Variants in PHGR1 observed in about 807,000 individuals in gnomAD.
PHGR1 encodes proline, histidine and glycine rich 1, also known as proline, histidine and glycine-rich protein 1.
In PHGR1, 3 loss-of-function variants were observed where a neutral mutation model predicts 4.9. That is an observed-to-expected ratio of 0.61 (90% CI 0.28 to 1.58). The LOEUF (loss-of-function observed/expected upper bound fraction) is 1.58, where lower values mean the gene tolerates loss of function less well. Among genes scored for constraint, PHGR1 ranks in the 40% most tolerant of loss-of-function variants. PHGR1 has a pLI of 0.11. For missense variants in PHGR1, 81 were observed against 118.7 expected, an observed-to-expected ratio of 0.68 and a Z score of 1.48; for synonymous variants, 32 against 46.1, an observed-to-expected ratio of 0.69 and a Z score of 1.24.
At chr15:40,354,279 G>A (rs1172198563) in intron 2 of PHGR1, 66 bp from the exon 3 acceptor site, 2 of 1,512,606 alleles carry the variant, frequency 1.3e-6, no homozygotes, top group African/African-American at 2.8e-5. Context: ...GGAGAAGACA[G>A]GTTTTTTTTT....
chr15:40,352,777 C>T (rs1889222868), intron 1 of PHGR1, among the ~76,000 whole-genome samples: 1 of 152,230 alleles, frequency 6.6e-6, no homozygotes, highest in African/African-American at 2.4e-5. Flanking sequence ...CATGCCATGC[C>T]AGATGTTTAC....
At chr15:40,352,501 C>G (rs1404461341) in intron 1 of PHGR1, among the ~76,000 whole-genome samples, 1 of 152,188 alleles carries the variant, frequency 6.6e-6, no homozygotes, top group Non-Finnish European at 1.5e-5. Flanking sequence ...ACCACGTTAC[C>G]TCAGCAGCTC....
At chr15:40,355,859 A>C (rs903210431) in intron 3 of PHGR1, among the ~76,000 whole-genome samples, 3 of 152,138 alleles carry the variant, frequency 2.0e-5, no homozygotes, top group African/African-American at 7.2e-5. Context: ...GAAACCAATA[A>C]ATCTAGGTTG....
rs550113363 is a variant in PHGR1 at position 40,353,558 on chromosome 15, G to A, written c.10+291G>A. On this transcript the variant is annotated intron_variant, in intron 2 of 3. Transcript: ENST00000448599. ...CAGGGGAGCTAGGGGTTATGCTCAGGGAAAGGCCATAGAGGTGCAGCTGGG... is the reference window on the plus strand; with the variant it reads ...CAGGGGAGCTAGGGGTTATGCTCAGAGAAAGGCCATAGAGGTGCAGCTGGG... The A allele has an allele frequency of 1.0e-4, 43 of 412,998 alleles. 1 individual carries two copies. The South Asian group carries it at 1.3e-3, about 13-fold the overall frequency. 25.6% of individuals were successfully genotyped at this position (412,998 alleles called of 1,614,324 possible). A position where few individuals can be genotyped will look rare whatever the true frequency, so the allele number is the denominator to read the frequency against.
intron 1 of PHGR1, among the ~76,000 whole-genome samples, chr15:40,351,859 C>A (rs1484450117): frequency 2.0e-5 from 3 of 152,262 alleles, no homozygotes; most frequent in South Asian, 2.1e-4. Flanking sequence ...GTCTCAGCCT[C>A]CCAAGTAGCT....
At chr15:40,355,086 A>G (rs1287017437) in intron 3 of PHGR1, among the ~76,000 whole-genome samples, 3 of 151,982 alleles carry the variant, frequency 2.0e-5, no homozygotes, top group Non-Finnish European at 2.9e-5. Flanking sequence ...CCTGCTCCAC[A>G]GGGCCCCAGA....
intron 1 of PHGR1, among the ~76,000 whole-genome samples, chr15:40,353,006 C>T (rs1290602238): frequency 1.3e-5 from 2 of 152,028 alleles, no homozygotes; most frequent in African/African-American, 4.8e-5. Context: ...TAGGTGAACC[C>T]GCTGTGTCCA....
At chr15:40,353,304 AGG>A in intron 2 of PHGR1, 37 bp downstream of exon 2, 1 of 1,551,486 alleles carries the variant, frequency 6.4e-7, no homozygotes, top group Non-Finnish European at 8.7e-7. Context: ...AATTGGAAGA[AGG>A]GAGAGAGCAG....
chr15:40,353,545 G>A lies in PHGR1; in HGVS notation c.10+278G>A, dbSNP rs190113545. 1.0e-4 allele frequency: 44 copies of A among 441,328 alleles called. No individual in the cohort carries two copies. The East Asian group carries it at 1.6e-3, about 17-fold the overall frequency. 27.3% of individuals were successfully genotyped at this position (441,328 alleles called of 1,614,324 possible). ...CACACTCAAGGCCCAGGGGAGCTAG[G>A]GGTTATGCTCAGGGAAAGGCCATAG... On this transcript the variant is annotated intron_variant, in intron 2 of 3. Coordinates refer to ENST00000448599, the MANE Select transcript of PHGR1 (RefSeq NM_001145643.2).
intron 3 of PHGR1, 61 bp downstream of exon 3, chr15:40,354,413 C>T (rs1442591637): frequency 1.3e-6 from 2 of 1,489,966 alleles, no homozygotes; most frequent in South Asian, 1.2e-5. Context: ...CTCCAGACCC[C>T]TAGCCTCCTT....
chr15:40,354,380 CT>C, intron 3 of PHGR1, 28 bp downstream of exon 3: 7 of 1,531,390 alleles, frequency 4.6e-6, no homozygotes, highest in Non-Finnish European at 6.1e-6. Context: ...ATGGTCTCCC[CT>C]TTTTCCTCCC....
intron 3 of PHGR1, among the ~76,000 whole-genome samples, chr15:40,355,247 C>T (rs1011549052): frequency 1.3e-5 from 2 of 152,060 alleles, no homozygotes; most frequent in African/African-American, 4.8e-5. Context: ...GGTTAAACCA[C>T]ACTTTTTCCA....
At chr15:40,353,108 A>C (rs1889230397) in intron 1 of PHGR1, 124 bp from the exon 2 acceptor site, 1 of 850,344 alleles carries the variant, frequency 1.2e-6, no homozygotes, top group Non-Finnish European at 1.7e-6. Context: ...CTTCCTTTGA[A>C]GGGTGTGTGT....
At chr15:40,352,583 T>A (rs946438360) in intron 1 of PHGR1, among the ~76,000 whole-genome samples, 4 of 152,008 alleles carry the variant, frequency 2.6e-5, no homozygotes, top group African/African-American at 9.7e-5. Flanking sequence ...CCCCTTCCAA[T>A]CCTGGTGGGA....
rs1362938500 is a variant in PHGR1 at position 40,356,288 on chromosome 15, T to C, written c.234T>C (p.Pro78=). 1.9e-6 allele frequency: 3 copies of C among 1,541,482 alleles called. No homozygotes were observed. The highest frequency in any genetic ancestry group is 2.4e-5 in the South Asian group (2 of 83,734). Reference sequence around the variant, plus strand: ...GCCATGGCCCAGGTCACCCACCCCCTGGTCCACATCACTGAGGAAGTAGAA... The same window carrying C: ...GCCATGGCCCAGGTCACCCACCCCCCGGTCCACATCACTGAGGAAGTAGAA... ...PPGHGPGHPP[P]GPHH is the part of the protein sequence containing the mutation. Residue 78 remains proline, a synonymous_variant, in exon 4 of 4, where the codon CCT becomes CCC. Transcript: ENST00000448599.
At chr15:40,351,890 C>G (rs1056483230) in intron 1 of PHGR1, among the ~76,000 whole-genome samples, 1 of 152,160 alleles carries the variant, frequency 6.6e-6, no homozygotes, top group Non-Finnish European at 1.5e-5. Flanking sequence ...GTTCCCGCCA[C>G]CATGCCCAGC....
chr15:40,356,079 T>C lies in PHGR1; in HGVS notation c.25T>C (p.Cys9Arg), dbSNP rs1344789548. 6.5e-7 allele frequency: 1 copy of C among 1,549,854 alleles called. No homozygotes were observed. The highest frequency in any genetic ancestry group is 8.7e-7 in the Non-Finnish European group (1 of 1,146,780). MDPGPKGH[C>R]HCGGHGHPPG... ...TTCATTTGACTTTCCACAGGGGCACTGCCACTGTGGGGGGCATGGCCATCC... is the reference window on the plus strand; with the variant it reads ...TTCATTTGACTTTCCACAGGGGCACCGCCACTGTGGGGGGCATGGCCATCC... Residue 9 changes from cysteine to arginine, a missense_variant, in exon 4 of 4, where the codon TGC becomes CGC. Transcript: ENST00000448599.
At position 40,356,093 on chromosome 15, in the gene PHGR1, G is replaced by C; in HGVS notation, c.39G>C (p.Gly13=). The C allele has an allele frequency of 1.3e-6, 2 of 1,548,822 alleles. No homozygotes were observed. Among genetic ancestry groups the C allele is most frequent in the Non-Finnish European group, 1.7e-6 (2 of 1,146,686 alleles). ...CACAGGGGCACTGCCACTGTGGGGGGCATGGCCATCCTCCAGGTCACTGCG... is the reference window on the plus strand; with the variant it reads ...CACAGGGGCACTGCCACTGTGGGGGCCATGGCCATCCTCCAGGTCACTGCG... ...PGPKGHCHCG[G]HGHPPGHCGP... Residue 13 remains glycine, a synonymous_variant, in exon 4 of 4, where the codon GGG becomes GGC. Transcript: ENST00000448599.
At chr15:40,353,380 G>T in intron 2 of PHGR1, 113 bp downstream of exon 2, 1 of 1,359,832 alleles carries the variant, frequency 7.4e-7, no homozygotes, top group Admixed American at 2.0e-5. Flanking sequence ...ATGTACGTGC[G>T]TGTGTGTTTG....
Sources: gnomAD v4.1 joint callset for allele counts (sites outside exome capture counted in the v4.1 genomes callset) on GRCh38, gnomAD v4.1.1 for gene constraint, MANE v1.5 for transcripts, NCBI Gene and HGNC (gene_info 2026-07-23, HGNC 2026-07-21) for gene names.